PEBP4: variants seen among roughly 807,000 people sequenced by gnomAD.
PEBP4 encodes the protein phosphatidylethanolamine binding protein 4.
In PEBP4, 22 loss-of-function variants were observed where a neutral mutation model predicts 23.9. That is an observed-to-expected ratio of 0.92 (90% confidence interval 0.66 to 1.31). PEBP4 has a LOEUF of 1.31. PEBP4 is among the 40% of genes most tolerant of loss of function. PEBP4 has a pLI of 0.00. For missense variants in PEBP4, 324 were observed against 281.7 expected (o/e 1.15, Z -1.07); for synonymous variants, 112 against 99.3 (o/e 1.13, Z -0.76).
intron 3 of PEBP4, among the ~76,000 whole-genome samples, chr8:22,821,286 T>C (rs1563227552): frequency 6.6e-6 from 1 of 152,160 alleles, no homozygotes; most frequent in Non-Finnish European, 1.5e-5. Flanking sequence ...AAACAAACCC[T>C]GAAAACTGCA....
intron 3 of PEBP4, among the ~76,000 whole-genome samples, chr8:22,849,124 TAAG>T (rs1436167780): frequency 3.9e-5 from 6 of 152,178 alleles, no homozygotes; most frequent in Non-Finnish European, 1.5e-5. Flanking sequence ...AATGGCTGGG[TAAG>T]GTCACATAAT....
At chr8:22,940,338 G>T (rs1235190366) in intron 1 of PEBP4, among the ~76,000 whole-genome samples, 12 of 152,098 alleles carry the variant, frequency 7.9e-5, no homozygotes, top group Non-Finnish European at 1.5e-5. Context: ...TCACCAAAGT[G>T]GCCTTTCTGA....
chr8:22,940,781 G>A (rs763709422), intron 1 of PEBP4, among the ~76,000 whole-genome samples: 7 of 152,140 alleles, frequency 4.6e-5, no homozygotes, highest in Admixed American at 1.3e-4. Flanking sequence ...GAGCCACCAC[G>A]GCCAGCCTTT....
chr8:22,857,160 A>G (rs1242447886), intron 3 of PEBP4, among the ~76,000 whole-genome samples: 2 of 151,752 alleles, frequency 1.3e-5, no homozygotes, highest in East Asian at 3.9e-4. Context: ...GGGACATTTA[A>G]TTTTTTTCCC....
chr8:22,889,082 G>A (rs1050309682), intron 3 of PEBP4, among the ~76,000 whole-genome samples: 4 of 152,212 alleles, frequency 2.6e-5, no homozygotes, highest in Non-Finnish European at 5.9e-5. Context: ...CATTCCCATA[G>A]CACCAGGCTT....
chr8:22,746,960 G>A (rs1308815926), intron 4 of PEBP4, among the ~76,000 whole-genome samples: 1 of 152,084 alleles, frequency 6.6e-6, no homozygotes, highest in Non-Finnish European at 1.5e-5. Context: ...CAAGCAGCTG[G>A]GACTATGGGC....
chr8:22,930,725 G>T (rs979886200), upstream of PEBP4, among the ~76,000 whole-genome samples: 8 of 151,772 alleles, frequency 5.3e-5, no homozygotes, highest in Non-Finnish European at 1.2e-4. Flanking sequence ...GTGGTTCTCG[G>T]GATTTTTCAA....
At chr8:22,905,193 C>T (rs552685414) in intron 3 of PEBP4, among the ~76,000 whole-genome samples, 5 of 152,066 alleles carry the variant, frequency 3.3e-5, no homozygotes, top group African/African-American at 7.2e-5. Flanking sequence ...TCTAAAATCA[C>T]ATTTTTTATA....
At chr8:22,729,373 AT>A (rs1045910301) in intron 4 of PEBP4, among the ~76,000 whole-genome samples, 2 of 152,262 alleles carry the variant, frequency 1.3e-5, no homozygotes, top group Non-Finnish European at 2.9e-5. Flanking sequence ...AAACAAAACA[AT>A]AGCAACCTAA....
At chr8:22,912,005 A>T (rs1268623928) in intron 3 of PEBP4, among the ~76,000 whole-genome samples, 1 of 151,942 alleles carries the variant, frequency 6.6e-6, no homozygotes, top group African/African-American at 2.4e-5. Flanking sequence ...TGCCGGCAAG[A>T]TCTATCGGAC....
intron 4 of PEBP4, among the ~76,000 whole-genome samples, chr8:22,777,888 A>G (rs544142817): frequency 2.8e-4 from 42 of 152,256 alleles, no homozygotes; most frequent in Non-Finnish European, 5.1e-4. Context: ...CGCGCCCTCA[A>G]TGAGAAATTA....
At chr8:22,901,576 C>T (rs112543761) in intron 3 of PEBP4, among the ~76,000 whole-genome samples, 1,879 of 152,252 alleles carry the variant, frequency 0.012, 22 homozygotes, top group African/African-American at 0.042. Flanking sequence ...CTAAGGCAAC[C>T]TCCAGAGTCC....
At chr8:22,839,407 C>G (rs1211787161) in intron 3 of PEBP4, among the ~76,000 whole-genome samples, 4 of 152,038 alleles carry the variant, frequency 2.6e-5, no homozygotes, top group Admixed American at 2.6e-4. Context: ...GCTGGTGGAT[C>G]AAGAAGGGCT....
At chr8:22,837,468 C>G (rs1259474931) in intron 3 of PEBP4, among the ~76,000 whole-genome samples, 1 of 152,144 alleles carries the variant, frequency 6.6e-6, no homozygotes, top group African/African-American at 2.4e-5. Context: ...TCATTGCTGC[C>G]CGATAATCTT....
intron 3 of PEBP4, among the ~76,000 whole-genome samples, chr8:22,833,988 A>G (rs944803133): frequency 6.6e-6 from 1 of 152,120 alleles, no homozygotes; most frequent in Non-Finnish European, 1.5e-5. Context: ...TCCCCTCCTC[A>G]TCAGTGAGCT....
Position 22,769,750 on chromosome 8 carries a change from A to T in PEBP4, c.358-42530T>A, listed in dbSNP as rs547177601. Among the ~76,000 whole-genome samples the T allele has an allele frequency of 8.2e-4, 125 of 152,242 alleles. No individual in the cohort carries two copies. In the East Asian group the frequency reaches 0.017, roughly 21 times the overall value. On this transcript the variant is annotated intron_variant, in intron 4 of 6. Transcript: ENST00000256404. Reference sequence around the variant, plus strand: ...GCCAGCATATGTCCCTTCTTTTTTTAAAAAAATAAATTCCATTGTTTTTCT... The same window carrying T: ...GCCAGCATATGTCCCTTCTTTTTTTTAAAAAATAAATTCCATTGTTTTTCT...
chr8:22,839,775 C>G (rs1383040749), intron 3 of PEBP4, among the ~76,000 whole-genome samples: 3 of 152,152 alleles, frequency 2.0e-5, no homozygotes, highest in Non-Finnish European at 4.4e-5. Context: ...CCGGTTCCTT[C>G]CCTCCCACTG....
At chr8:22,931,107 T>C (rs1809449301), upstream of PEBP4, among the ~76,000 whole-genome samples, 1 of 152,158 alleles carries the variant, frequency 6.6e-6, no homozygotes, top group Non-Finnish European at 1.5e-5. Flanking sequence ...ACTTCATTTC[T>C]CTACCCAGAC....
intron 4 of PEBP4, among the ~76,000 whole-genome samples, chr8:22,778,801 C>T (rs1433585736): frequency 1.3e-5 from 2 of 152,144 alleles, no homozygotes; most frequent in Non-Finnish European, 2.9e-5. Flanking sequence ...GGCCTTCTCT[C>T]CTTGCTCTGC....
Sources: gnomAD v4.1 joint callset for allele counts (sites outside exome capture counted in the v4.1 genomes callset) on GRCh38, gnomAD v4.1.1 for gene constraint, MANE v1.5 for transcripts, NCBI Gene and HGNC (gene_info 2026-07-23, HGNC 2026-07-21) for gene names.